PLD1: variants seen among roughly 807,000 people sequenced by gnomAD.
PLD1 encodes choline phosphatase 1.
Under a neutral mutation model 137.1 loss-of-function variants are expected in PLD1, and 112 were observed. The observed-to-expected ratio is 0.82, with a 90% confidence interval of 0.70 to 0.96. PLD1 has a LOEUF of 0.96. Among genes scored for constraint, PLD1 ranks in the 40% least tolerant of loss-of-function variants. PLD1 has a pLI of 0.00. For missense variants in PLD1, 1,321 were observed against 1,342.0 expected (o/e 0.98, Z 0.24); for synonymous variants, 431 against 454.7 (o/e 0.95, Z 0.66).
intron 1 of PLD1, among the ~76,000 whole-genome samples, chr3:171,780,662 A>G (rs1722762957): frequency 6.6e-6 from 1 of 152,232 alleles, no homozygotes; most frequent in Non-Finnish European, 1.5e-5. Context: ...GAGCTGAGAG[A>G]TGAAGAAAGA....
intron 19 of PLD1, among the ~76,000 whole-genome samples, chr3:171,671,733 TA>T (rs1461438766): frequency 6.6e-6 from 1 of 151,994 alleles, no homozygotes; most frequent in Non-Finnish European, 1.5e-5. Flanking sequence ...CACTGTAGCA[TA>T]AAAAAGGTGC....
At chr3:171,799,513 T>C (rs1476303337) in intron 1 of PLD1, among the ~76,000 whole-genome samples, 1 of 151,846 alleles carries the variant, frequency 6.6e-6, no homozygotes, top group Non-Finnish European at 1.5e-5. Context: ...CAAAAGAAAA[T>C]CTATAACATT....
At position 171,602,178 on chromosome 3, in the gene PLD1, A is replaced by AT. The variant is rs1179652424; in HGVS notation, c.*899dup. The AT allele has an allele frequency of 6.6e-6, 1 of 151,212 alleles. No individual in the cohort carries two copies. Among genetic ancestry groups the AT allele is most frequent in the Non-Finnish European group, 1.5e-5 (1 of 67,640 alleles). The allele number at this position is 151,212 out of a possible 1,614,324, so 9.4% of individuals were successfully genotyped here. A position where few individuals can be genotyped will look rare whatever the true frequency, so the allele number is the denominator to read the frequency against. On this transcript the variant is annotated 3_prime_UTR_variant, in exon 27 of 27. Transcript: ENST00000351298. ...ACCCAGCAGCTAAGGATGACAGGAAATTTTACAGGACTAGAAGGAATCATC... is the reference window on the plus strand; with the variant it reads ...ACCCAGCAGCTAAGGATGACAGGAAATTTTTACAGGACTAGAAGGAATCATC...
chr3:171,801,185 C>T (rs762742073), intron 1 of PLD1, among the ~76,000 whole-genome samples: 5 of 152,246 alleles, frequency 3.3e-5, no homozygotes, highest in African/African-American at 7.2e-5. Context: ...TTTAGACTCA[C>T]TAGCCTAGGC....
At chr3:171,618,737 T>A (rs185229439) in intron 24 of PLD1, among the ~76,000 whole-genome samples, 145 of 131,900 alleles carry the variant, frequency 1.1e-3, no homozygotes, top group African/African-American at 2.3e-3. Context: ...TGTGTGTGTG[T>A]GTGTGTGTGT....
At chr3:171,651,458 A>G (rs955732637) in intron 21 of PLD1, among the ~76,000 whole-genome samples, 1 of 152,036 alleles carries the variant, frequency 6.6e-6, no homozygotes, top group African/African-American at 2.4e-5. Context: ...AAATCCTTTA[A>G]AAGGAGAAGA....
chr3:171,701,731 T>C (rs1399453923), intron 11 of PLD1, among the ~76,000 whole-genome samples: 1 of 152,232 alleles, frequency 6.6e-6, no homozygotes, highest in Non-Finnish European at 1.5e-5. Flanking sequence ...CAAGCATTAT[T>C]ATGTAAGAAT....
In PLD1 at chr3:171,733,528, A is replaced by C. The variant is rs776986536; in HGVS notation, c.541-19T>G. ...GTTGTTTCTGTAATGCAAATATTTT[A>C]GATAAGTGTTAACATGGTCATATTT... On this transcript the variant is annotated intron_variant, in intron 5 of 26. Coordinates refer to ENST00000351298, the MANE Select transcript of PLD1 (RefSeq NM_002662.5). 6.3e-6 allele frequency: 6 copies of C among 949,200 alleles called. No individual in the cohort carries two copies. The highest frequency in any genetic ancestry group is 5.4e-5 in the Admixed American group (3 of 55,704). The allele number at this position is 949,200 out of a possible 1,614,324, so 58.8% of individuals were successfully genotyped here. A position where few individuals can be genotyped will look rare whatever the true frequency, so the allele number is the denominator to read the frequency against.
At chr3:171,775,747 G>A (rs1351301637) in intron 1 of PLD1, among the ~76,000 whole-genome samples, 2 of 152,136 alleles carry the variant, frequency 1.3e-5, no homozygotes, top group African/African-American at 4.8e-5. Flanking sequence ...GGAGGCTGAG[G>A]CAGGACAATT....
At chr3:171,772,912 G>A (rs1722442500) in intron 1 of PLD1, among the ~76,000 whole-genome samples, 1 of 152,148 alleles carries the variant, frequency 6.6e-6, no homozygotes, top group Admixed American at 6.5e-5. Flanking sequence ...TGATTTGCAT[G>A]CCCAAGGAAA....
intron 1 of PLD1, among the ~76,000 whole-genome samples, chr3:171,783,122 G>A (rs935290513): frequency 4.6e-5 from 7 of 152,082 alleles, no homozygotes; most frequent in African/African-American, 1.7e-4. Flanking sequence ...GGATGTTAGG[G>A]GTTTGAGGAA....
chr3:171,645,407 C>G (rs1736120038), intron 21 of PLD1, among the ~76,000 whole-genome samples: 1 of 152,120 alleles, frequency 6.6e-6, no homozygotes, highest in African/African-American at 2.4e-5. Flanking sequence ...CAGTACCTAG[C>G]TAGAGCCGTG....
At chr3:171,608,137 G>A (rs1436232999) in intron 25 of PLD1, among the ~76,000 whole-genome samples, 4 of 152,062 alleles carry the variant, frequency 2.6e-5, no homozygotes, top group Non-Finnish European at 4.4e-5. Flanking sequence ...AACACAATTT[G>A]AAAAATGCGA....
At chr3:171,794,111 T>G (rs577626081) in intron 1 of PLD1, among the ~76,000 whole-genome samples, 2 of 146,112 alleles carry the variant, frequency 1.4e-5, no homozygotes, top group Non-Finnish European at 3.0e-5. Flanking sequence ...GCCACTGCAC[T>G]CCAGCCTACA....
chr3:171,747,955 AT>A, intron 1 of PLD1, among the ~76,000 whole-genome samples: 1 of 152,252 alleles, frequency 6.6e-6, no homozygotes, highest in East Asian at 1.9e-4. Flanking sequence ...TCTGTTTTAC[AT>A]GAATATGAAG....
intron 2 of PLD1, 62 bp downstream of exon 2, chr3:171,737,830 T>C (rs894265820): frequency 5.2e-6 from 8 of 1,526,548 alleles, no homozygotes; most frequent in Non-Finnish European, 7.1e-6. Context: ...ACTTCAAATT[T>C]GTGGTCTTCC....
intron 9 of PLD1, among the ~76,000 whole-genome samples, chr3:171,710,304 G>A (rs1717071414): frequency 6.6e-6 from 1 of 151,928 alleles, no homozygotes; most frequent in South Asian, 2.1e-4. Context: ...CTCGTGATCC[G>A]CCCGCCTCGG....
At chr3:171,720,497 G>T (rs778980406) in intron 8 of PLD1, among the ~76,000 whole-genome samples, 13 of 151,414 alleles carry the variant, frequency 8.6e-5, no homozygotes, top group Non-Finnish European at 1.5e-4. Flanking sequence ...GCAGGAGAAC[G>T]GCATGAATCT....
chr3:171,606,651 C>T (rs1402938249), intron 25 of PLD1, among the ~76,000 whole-genome samples: 1 of 152,164 alleles, frequency 6.6e-6, no homozygotes, highest in Non-Finnish European at 1.5e-5. Context: ...CCGGCTTTAA[C>T]AACTGGACAT....
Sources: gnomAD v4.1 joint callset for allele counts (sites outside exome capture counted in the v4.1 genomes callset) on GRCh38, gnomAD v4.1.1 for gene constraint, MANE v1.5 for transcripts, NCBI Gene and HGNC (gene_info 2026-07-23, HGNC 2026-07-21) for gene names.